The following SPOCK2 variants were observed in gnomAD, a reference collection of about 807,000 sequenced individuals.
SPOCK2 encodes testican-2.
In SPOCK2, 39 loss-of-function variants were observed where a neutral mutation model predicts 60.1. The ratio of observed to expected loss-of-function variants is 0.65; its 90% CI spans 0.50 to 0.85. The LOEUF (loss-of-function observed/expected upper bound fraction) is 0.85, where lower values mean the gene tolerates loss of function less well. Ranked by LOEUF, SPOCK2 falls within the 40% of genes least tolerant of loss-of-function variation. SPOCK2 has a pLI of 0.00. For missense variants in SPOCK2, 523 were observed against 567.4 expected, an observed-to-expected ratio of 0.92 and a Z score of 0.80; for synonymous variants, 217 against 231.5, an observed-to-expected ratio of 0.94 and a Z score of 0.57.
At chr10:72,085,641 AC>A (rs1304484948) in intron 1 of SPOCK2, among the ~76,000 whole-genome samples, 5 of 151,818 alleles carry the variant, frequency 3.3e-5, no homozygotes, top group South Asian at 2.1e-4. Context: ...GCTTGCCTCC[AC>A]CCTACTAGGA....
chr10:72,076,543 T>A (rs1222456027), intron 1 of SPOCK2, among the ~76,000 whole-genome samples: 1 of 152,196 alleles, frequency 6.6e-6, no homozygotes, highest in Non-Finnish European at 1.5e-5. Context: ...TGCTTATATA[T>A]GCTTATCTAT....
At chr10:72,084,159 T>C (rs1589126382) in intron 1 of SPOCK2, among the ~76,000 whole-genome samples, 1 of 152,186 alleles carries the variant, frequency 6.6e-6, no homozygotes, top group South Asian at 2.1e-4. Flanking sequence ...CAGTAACGTC[T>C]TTCTCACAGG....
Position 72,062,798 on chromosome 10 carries a change from C to T in SPOCK2, c.1237G>A (p.Glu413Lys), listed in dbSNP as rs201093728. 4 of 1,609,550 alleles carry T rather than the reference C, an allele frequency of 2.5e-6. No individual in the cohort carries two copies. Among genetic ancestry groups the T allele is most frequent in the South Asian group, 2.2e-5 (2 of 91,078 alleles). Residue 413 changes from glutamate to lysine, a missense_variant, in exon 11 of 11, where the codon GAG (glutamate) becomes AAG (lysine). By Grantham distance (56) the Glu-to-Lys change is moderately conservative. Transcript: ENST00000373109. This position sits in a 1 kb window ranked among gnomAD's most constrained non-coding sequence, Gnocchi z 4.3. ...CCCCCGTCGTCAGCCTCGCCTGCCT[C>T]GCCCTCCTCCTCCTCGGCCTCCTCG... The part of the protein sequence containing the change: ...AGEEAEEEEG[E>K]AGEADDGGYI...
intron 8 of SPOCK2, among the ~76,000 whole-genome samples, chr10:72,065,277 C>A (rs1450780371): frequency 2.0e-5 from 3 of 152,034 alleles, no homozygotes; most frequent in African/African-American, 7.2e-5. Context: ...CTCAGGTGAT[C>A]CACCCACCTC....
chr10:72,073,023 TCATGTGGCCGAG>T (rs1225724737), intron 1 of SPOCK2, 113 bp from the exon 2 acceptor site: 24 of 1,467,444 alleles, frequency 1.6e-5, no homozygotes, highest in Non-Finnish European at 9.3e-7. Flanking sequence ...CCCTGCCTCA[TCATGTGGCCGAG>T]CAATGGCCTT....
At chr10:72,073,450 C>G (rs1370274464) in intron 1 of SPOCK2, among the ~76,000 whole-genome samples, 2 of 152,226 alleles carry the variant, frequency 1.3e-5, no homozygotes, top group Non-Finnish European at 2.9e-5. Context: ...CAGAGCTCAG[C>G]TCATACACGG....
chr10:72,068,394 A>G (rs1021477768), intron 5 of SPOCK2, 93 bp from the exon 6 acceptor site: 1 of 1,317,648 alleles, frequency 7.6e-7, no homozygotes, highest in African/African-American at 1.5e-5. Flanking sequence ...TGGCAGCCAC[A>G]TCTGCCTCCC....
chr10:72,087,832 C>T lies in SPOCK2; in HGVS notation c.189+308G>A, dbSNP rs897349056. 5.3e-5 allele frequency among the ~76,000 whole-genome samples: 8 copies of T among 152,100 alleles called. No homozygotes were observed. The highest frequency in any genetic ancestry group is 1.7e-4 in the African/African-American group (7 of 41,440). ...AGCGGCAGCCGGGGTCCGGGTCCCC[C>T]CGGCCCCGCACCCCTTCCCACTCCC... On this transcript the variant is annotated intron_variant, in intron 1 of 10. Coordinates refer to ENST00000373109, the MANE Select transcript of SPOCK2 (RefSeq NM_001244950.2). The surrounding 1 kb of genome is among the most constrained non-coding windows in gnomAD (Gnocchi z 4.7).
intron 1 of SPOCK2, among the ~76,000 whole-genome samples, chr10:72,084,447 T>C (rs530057919): frequency 6.6e-6 from 1 of 152,112 alleles, no homozygotes; most frequent in South Asian, 2.1e-4. Context: ...GGTGGAGAGC[T>C]GCCTCTGGAG....
chr10:72,063,631 C>T (rs559306014), intron 9 of SPOCK2, among the ~76,000 whole-genome samples: 2 of 152,242 alleles, frequency 1.3e-5, no homozygotes, highest in African/African-American at 2.4e-5. Context: ...AGCTCCCAGG[C>T]GCCTGTGTAC....
chr10:72,064,085 G>A, intron 9 of SPOCK2, 93 bp downstream of exon 9: 1 of 1,504,396 alleles, frequency 6.6e-7, no homozygotes, highest in South Asian at 1.2e-5. Flanking sequence ...CTCCATGTCT[G>A]CCATGAGGCC....
rs934394241 is a variant in SPOCK2, at chr10:72,061,212, C to T, written c.*1548G>A. On this transcript the variant is annotated 3_prime_UTR_variant, in exon 11 of 11. Coordinates refer to ENST00000373109, the MANE Select transcript of SPOCK2 (RefSeq NM_001244950.2). ...AACAAACAAAAGAAATGCACAGGGCCTCTTCTCATCTGGTGAGATGAGCTC... is the reference window on the plus strand; with the variant it reads ...AACAAACAAAAGAAATGCACAGGGCTTCTTCTCATCTGGTGAGATGAGCTC... The T allele has an allele frequency of 7.2e-5, 11 of 152,394 alleles. No homozygotes were observed. Among genetic ancestry groups the T allele is most frequent in the African/African-American group, 2.2e-4 (9 of 41,446 alleles). 9.4% of individuals were successfully genotyped at this position (152,394 alleles called of 1,614,324 possible).
At position 72,087,358 on chromosome 10, in the gene SPOCK2, C is replaced by T. The variant is rs1032886349; in HGVS notation, c.189+782G>A. Among the ~76,000 whole-genome samples the T allele has an allele frequency of 3.3e-5, 5 of 152,178 alleles. No homozygotes were observed. Among genetic ancestry groups the T allele is most frequent in the African/African-American group, 1.2e-4 (5 of 41,454 alleles). On this transcript the variant is annotated intron_variant, in intron 1 of 10. Transcript: ENST00000373109. The surrounding 1 kb of genome is among the most constrained non-coding windows in gnomAD (Gnocchi z 4.7). The stretch of plus-strand genomic sequence containing the variant: ...GGGTTCGGGCGGCGCCCGCCGGGGG[C>T]CCCCAAACCCAGCTTCTGGACTCTC...
intron 2 of SPOCK2, 118 bp downstream of exon 2, chr10:72,072,784 A>G: frequency 6.8e-7 from 1 of 1,470,986 alleles, no homozygotes; most frequent in Non-Finnish European, 9.3e-7. Context: ...GATTGCTCCC[A>G]TGCCACACTG....
chr10:72,063,142 C>A lies in SPOCK2; in HGVS notation c.1012G>T (p.Asp338Tyr). The change falls in exon 10 of 11, where the codon GAC becomes TAC. Residue 338 changes from aspartate to tyrosine, a missense_variant. Coordinates refer to ENST00000373109, the MANE Select transcript of SPOCK2 (RefSeq NM_001244950.2). ...ATCTTCCGGTAGTAGCCATCCTCGTCGCAGCTCGGGATGAAGATGCCTGAA... is the reference window on the plus strand; with the variant it reads ...ATCTTCCGGTAGTAGCCATCCTCGTAGCAGCTCGGGATGAAGATGCCTGAA... ...KKPGIFIPSC[D>Y]EDGYYRKMQC... The A allele has an allele frequency of 6.4e-7, 1 of 1,556,858 alleles. No homozygotes were observed. The highest frequency in any genetic ancestry group is 8.7e-7 in the Non-Finnish European group (1 of 1,149,896).
chr10:72,067,461 C>G, intron 7 of SPOCK2, 152 bp downstream of exon 7: 1 of 1,376,458 alleles, frequency 7.3e-7, no homozygotes, highest in Non-Finnish European at 9.7e-7. Flanking sequence ...TGGAAGCCGA[C>G]TTCTTTGGGG....
In SPOCK2 at chr10:72,072,525, C is replaced by T. The variant is rs369011971; in HGVS notation, c.222G>A (p.Glu74=). 6.2e-7 allele frequency: 1 copy of T among 1,614,012 alleles called. No individual in the cohort carries two copies. The highest frequency in any genetic ancestry group is 8.5e-7 in the Non-Finnish European group (1 of 1,180,006). Residue 74 remains glutamate, a synonymous_variant, in exon 3 of 11, where the codon GAG becomes GAA. Transcript: ENST00000373109. ...EVEDDYIKSW[E]DNQQGDEALD... Reference sequence around the variant, plus strand: ...TACCTTCATCTCCTTGCTGATTGTCCTCCCAGCTCTTGATATAGTCATCCT... The same window carrying T: ...TACCTTCATCTCCTTGCTGATTGTCTTCCCAGCTCTTGATATAGTCATCCT...
chr10:72,086,330 T>G, intron 1 of SPOCK2: 2 of 994,340 alleles, frequency 2.0e-6, no homozygotes, highest in Non-Finnish European at 2.4e-6. Flanking sequence ...GGTCAAGCAG[T>G]AAGTCATTTA....
chr10:72,065,598 G>A (rs1163179681), intron 8 of SPOCK2, among the ~76,000 whole-genome samples: 1 of 152,198 alleles, frequency 6.6e-6, no homozygotes, highest in Admixed American at 6.5e-5. Flanking sequence ...ACTTGTCTGC[G>A]ACCTTGGGAA....
Sources: allele counts gnomAD v4.1 joint callset (sites outside exome capture counted in the v4.1 genomes callset), GRCh38; gene constraint gnomAD v4.1.1; non-coding constraint Gnocchi (gnomAD v3.1); transcripts MANE v1.5; gene names NCBI Gene and HGNC (gene_info 2026-07-23, HGNC 2026-07-21).